The following WNK2 variants were observed in gnomAD, a reference collection of about 807,000 sequenced individuals.
WNK2 encodes the protein serine/threonine-protein kinase WNK2.
A neutral mutation model predicts 192.1 loss-of-function variants in WNK2; 67 were observed. That is an observed-to-expected ratio of 0.35 (90% CI 0.29 to 0.43). WNK2 has a LOEUF of 0.43. WNK2 is among the 20% of genes least tolerant of loss of function. The pLI, the probability that WNK2 is intolerant of heterozygous loss-of-function variation, is 1.00. For synonymous variants in WNK2, 1,439 were observed against 1,393.9 expected, an observed-to-expected ratio of 1.03 and a Z score of -0.72; for missense variants, 2,698 against 3,089.7, an observed-to-expected ratio of 0.87 and a Z score of 3.01.
In WNK2 at chr9:93,292,682, C is replaced by G. The variant is rs138527790; in HGVS notation, c.5217C>G (p.Ser1739Arg). 142 of 1,573,438 alleles carry G rather than the reference C, an allele frequency of 9.0e-5. 1 individual carries two copies. In the African/African-American group the frequency reaches 1.5e-3, roughly 17 times the overall value. ...AACGTCCAGAGCAGCAGGATGTCAGCTCACCAGCCAAGACTGTGGGCCGTT... is the reference window on the plus strand; with the variant it reads ...AACGTCCAGAGCAGCAGGATGTCAGGTCACCAGCCAAGACTGTGGGCCGTT... ...PRKRPEQQDV[S>R]SPAKTVGRFS... The change falls in exon 23 of 30, where the codon AGC (serine) becomes AGG (arginine). Residue 1739 changes from serine to arginine, a missense_variant. This residue lies in a region of WNK2 where 1,098 missense variants were observed against 1,101.0 expected (regional missense o/e 1.00). Coordinates refer to ENST00000427277, the MANE Select transcript of WNK2 (RefSeq NM_006648.4).
intron 2 of WNK2, among the ~76,000 whole-genome samples, chr9:93,196,418 G>A (rs1358737627): frequency 6.6e-6 from 1 of 152,170 alleles, no homozygotes; most frequent in Non-Finnish European, 1.5e-5. Context: ...CATCAGCTGG[G>A]ACATGGGGTT....
chr9:93,209,028 C>G (rs556918905), intron 2 of WNK2, among the ~76,000 whole-genome samples: 1 of 152,114 alleles, frequency 6.6e-6, no homozygotes, highest in Non-Finnish European at 1.5e-5. Flanking sequence ...CCTTTATGAT[C>G]GGACCAAGAG....
chr9:93,289,716 G>A (rs1042479922), intron 20 of WNK2, 96 bp downstream of exon 20: 4 of 1,261,496 alleles, frequency 3.2e-6, no homozygotes, highest in African/African-American at 1.5e-5. Context: ...GCTATGCAGA[G>A]CCGCCCTCAC....
chr9:93,203,280 G>T (rs975946467), intron 2 of WNK2, among the ~76,000 whole-genome samples: 2 of 152,216 alleles, frequency 1.3e-5, no homozygotes, highest in African/African-American at 4.8e-5. Context: ...GAAAGGTATG[G>T]CAGTCAGGAC....
At chr9:93,231,637 C>T (rs892528239) in intron 4 of WNK2, among the ~76,000 whole-genome samples, 1 of 152,244 alleles carries the variant, frequency 6.6e-6, no homozygotes, top group Non-Finnish European at 1.5e-5. Context: ...GGGGAATCCA[C>T]ATACCTGCGG....
Position 93,317,638 on chromosome 9 carries a change from C to T in WNK2, c.6628+7C>T. On this transcript the variant is annotated splice_region_variant and intron_variant, in intron 29 of 29. Coordinates refer to ENST00000427277, the MANE Select transcript of WNK2 (RefSeq NM_006648.4). The stretch of plus-strand genomic sequence containing the variant: ...CTGTCCGTGCCCACACCAGGTACTG[C>T]CCTCTCCAACCTCCCAACCCCACCC... The T allele has an allele frequency of 6.2e-7, 1 of 1,611,474 alleles. No homozygotes were observed.
At chr9:93,287,900 A>C (rs1026363306) in intron 19 of WNK2, among the ~76,000 whole-genome samples, 3 of 152,070 alleles carry the variant, frequency 2.0e-5, no homozygotes, top group African/African-American at 7.2e-5. Context: ...GTCTCATATG[A>C]AAAATACAAA....
Position 93,229,245 on chromosome 9 carries a change from T to C in WNK2, c.682-451T>C, listed in dbSNP as rs1838329070. ...TTTCTCTTCCCTCCATTCTCAGCTCTTATCTCAGTCACCTGTCCACGTCTC... is the reference window on the plus strand; with the variant it reads ...TTTCTCTTCCCTCCATTCTCAGCTCCTATCTCAGTCACCTGTCCACGTCTC... On this transcript the variant is annotated intron_variant, in intron 2 of 29. Coordinates refer to ENST00000427277, the MANE Select transcript of WNK2 (RefSeq NM_006648.4). The surrounding 1 kb of genome is among the most constrained non-coding windows in gnomAD (Gnocchi z 4.9). 1.3e-5 allele frequency among the ~76,000 whole-genome samples: 2 copies of C among 152,166 alleles called. No homozygotes were observed. The highest frequency in any genetic ancestry group is 4.8e-5 in the African/African-American group (2 of 41,436).
At position 93,293,189 on chromosome 9, in the gene WNK2, A is replaced by C; in HGVS notation, c.5708+16A>C. 6.9e-7 allele frequency: 1 copy of C among 1,449,084 alleles called. No individual in the cohort carries two copies. Among genetic ancestry groups the C allele is most frequent in the Non-Finnish European group, 9.0e-7 (1 of 1,106,218 alleles). The allele number at this position is 1,449,084 out of a possible 1,614,324, so 89.8% of individuals were successfully genotyped here. A position where few individuals can be genotyped will look rare whatever the true frequency, so the allele number is the denominator to read the frequency against. ...TGCGGGAGAAGTAGGTCCTGCGGGCAGGAAGTGTTGCCCCCGCCCCTGGGC... is the reference window on the plus strand; with the variant it reads ...TGCGGGAGAAGTAGGTCCTGCGGGCCGGAAGTGTTGCCCCCGCCCCTGGGC... On this transcript the variant is annotated intron_variant, in intron 23 of 29. Transcript: ENST00000427277.
intron 2 of WNK2, among the ~76,000 whole-genome samples, chr9:93,192,023 CAA>C (rs372840629): frequency 7.1e-6 from 1 of 141,014 alleles, no homozygotes; most frequent in African/African-American, 2.6e-5. Context: ...GACTCCGTCT[CAA>C]AAAAAAAAGG....
chr9:93,252,933 C>A lies in WNK2; in HGVS notation c.1885C>A (p.Gln629Lys). 6.4e-7 allele frequency: 1 copy of A among 1,574,268 alleles called. No individual in the cohort carries two copies. The highest frequency in any genetic ancestry group is 8.6e-7 in the Non-Finnish European group (1 of 1,161,458). Residue 629 changes from glutamine (Q) to lysine (K), a missense_variant, in exon 9 of 30, where the codon CAG becomes AAG. Gln to Lys is a moderately conservative substitution (Grantham distance 53). Transcript: ENST00000427277. Reference protein sequence around the residue: ...GQGSTVYSDSQSSQQSVMLGS... With the variant: ...GQGSTVYSDSKSSQQSVMLGS... ...GGGCTCTACCGTGTACTCAGACTCG[C>A]AGAGCAGCCAGCAGAGCGTGATGCT...
At chr9:93,215,192 G>T (rs1835520669) in intron 2 of WNK2, among the ~76,000 whole-genome samples, 1 of 152,132 alleles carries the variant, frequency 6.6e-6, no homozygotes, top group Non-Finnish European at 1.5e-5. Flanking sequence ...CGCGATCTCG[G>T]CTCACTGCAA....
intron 19 of WNK2, among the ~76,000 whole-genome samples, chr9:93,269,295 GA>G (rs1256467125): frequency 6.6e-6 from 1 of 152,190 alleles, no homozygotes; most frequent in Admixed American, 6.5e-5. Context: ...TTGGGAGGCT[GA>G]AAATAGTCAC....
chr9:93,306,168 C>T lies in WNK2; in HGVS notation c.6215-609C>T, dbSNP rs548659390. 2.9e-4 allele frequency among the ~76,000 whole-genome samples: 44 copies of T among 152,294 alleles called. No homozygotes were observed. The South Asian group carries it at 8.5e-3, about 29-fold the overall frequency. ...TGTGGATACTGACTTGTTAATGAGG[C>T]GGTAGTGTCCCCAGACATTGAGGTC... On this transcript the variant is annotated intron_variant, in intron 26 of 29. Coordinates refer to ENST00000427277, the MANE Select transcript of WNK2 (RefSeq NM_006648.4).
At chr9:93,190,162 C>T (rs1010898915) in intron 2 of WNK2, among the ~76,000 whole-genome samples, 3 of 152,320 alleles carry the variant, frequency 2.0e-5, no homozygotes, top group Middle Eastern at 3.4e-3. Context: ...AAAAGGCTGG[C>T]GCTAGCTCCC....
chr9:93,265,034 G>T (rs1335628576), intron 16 of WNK2, among the ~76,000 whole-genome samples: 1 of 152,252 alleles, frequency 6.6e-6, no homozygotes, highest in Admixed American at 6.5e-5. Flanking sequence ...CTCCTAGGGA[G>T]CAAGTCCCTG....
chr9:93,298,449 C>T (rs551888689), intron 24 of WNK2, among the ~76,000 whole-genome samples: 49 of 152,246 alleles, frequency 3.2e-4, no homozygotes, highest in African/African-American at 8.4e-4. Context: ...GAGCAGCTGT[C>T]GTTAGGGGCT....
At chr9:93,265,450 G>C (rs1271567286) in intron 16 of WNK2, among the ~76,000 whole-genome samples, 1 of 152,184 alleles carries the variant, frequency 6.6e-6, no homozygotes, top group Non-Finnish European at 1.5e-5. Flanking sequence ...AGACATGATG[G>C]GGCCTAGTCA....
intron 29 of WNK2, chr9:93,318,757 G>C: frequency 1.4e-6 from 2 of 1,420,008 alleles, no homozygotes; most frequent in Non-Finnish European, 1.8e-6. Flanking sequence ...CCTGCTCTGC[G>C]GAGGGCGGGG....
Sources: allele counts gnomAD v4.1 joint callset (sites outside exome capture counted in the v4.1 genomes callset), GRCh38; gene constraint gnomAD v4.1.1; regional missense constraint gnomAD v4.1.1; non-coding constraint Gnocchi (gnomAD v3.1); transcripts MANE v1.5; gene names NCBI Gene and HGNC (gene_info 2026-07-23, HGNC 2026-07-21).